PTPRD: variants seen among roughly 807,000 people sequenced by gnomAD.
PTPRD encodes the protein receptor-type tyrosine-protein phosphatase delta.
Under a neutral mutation model 214.5 loss-of-function variants are expected in PTPRD, and 34 were observed. That is an observed-to-expected ratio of 0.16 (90% CI 0.12 to 0.21). The LOEUF (loss-of-function observed/expected upper bound fraction) is 0.21. PTPRD is among the 10% of genes least tolerant of loss of function. The probability of loss-of-function intolerance (pLI) is 1.00; values close to 1 mark genes in which losing one functional copy is unlikely to be tolerated. For missense variants in PTPRD, 2,545 were observed against 2,398.7 expected (o/e 1.06, Z -1.27); for synonymous variants, 1,128 against 845.7 (o/e 1.33, Z -5.79).
chr9:8,409,695 T>C (rs1449301005), intron 35 of PTPRD, among the ~76,000 whole-genome samples: 3 of 152,176 alleles, frequency 2.0e-5, no homozygotes, highest in Non-Finnish European at 4.4e-5. Context: ...ACAATACTAG[T>C]TGCTCTGTGT....
chr9:8,850,346 A>G (rs1169794565), intron 11 of PTPRD, among the ~76,000 whole-genome samples: 1 of 152,222 alleles, frequency 6.6e-6, no homozygotes, highest in African/African-American at 2.4e-5. Flanking sequence ...GGGGATATAG[A>G]TAAAATGAAA....
At chr9:8,958,067 A>G (rs1044355116) in intron 11 of PTPRD, among the ~76,000 whole-genome samples, 1 of 151,910 alleles carries the variant, frequency 6.6e-6, no homozygotes, top group East Asian at 1.9e-4. Context: ...CTGTAAATGA[A>G]ACTTCAATAA....
At chr9:10,217,434 C>G (rs2099546773) in intron 3 of PTPRD, among the ~76,000 whole-genome samples, 1 of 151,840 alleles carries the variant, frequency 6.6e-6, no homozygotes, top group Admixed American at 6.6e-5. Flanking sequence ...AAGCTGAGAT[C>G]TTGAAAGAGG....
chr9:9,958,946 G>C (rs1324501771), intron 4 of PTPRD, among the ~76,000 whole-genome samples: 1 of 152,132 alleles, frequency 6.6e-6, no homozygotes, highest in Non-Finnish European at 1.5e-5. Flanking sequence ...GGTTTGGTGG[G>C]CTTTTAAAAC....
chr9:9,100,237 T>C (rs2099789425), intron 10 of PTPRD, among the ~76,000 whole-genome samples: 1 of 152,104 alleles, frequency 6.6e-6, no homozygotes, highest in Non-Finnish European at 1.5e-5. Flanking sequence ...CAGATAAATA[T>C]GCCTACCAGC....
chr9:8,837,962 G>C (rs370392030), intron 11 of PTPRD, among the ~76,000 whole-genome samples: 6 of 152,104 alleles, frequency 3.9e-5, no homozygotes, highest in Non-Finnish European at 7.4e-5. Context: ...ACATGAGTAA[G>C]CCCCATGTTT....
At chr9:10,548,413 T>C (rs1274215586) in intron 2 of PTPRD, among the ~76,000 whole-genome samples, 2 of 152,274 alleles carry the variant, frequency 1.3e-5, no homozygotes, top group African/African-American at 4.8e-5. Flanking sequence ...GGCCTACTGA[T>C]ATATTTTCAT....
In PTPRD at chr9:10,286,165, A is replaced by G. The variant is rs144421679; in HGVS notation, c.-545+54798T>C. On this transcript the variant is annotated intron_variant, in intron 3 of 45. Transcript: ENST00000381196. ...TTGTCCTTTTGTATGCATGTACCAAATAAGGAAATCAGTAACTAGCTATTA... is the reference window on the plus strand; with the variant it reads ...TTGTCCTTTTGTATGCATGTACCAAGTAAGGAAATCAGTAACTAGCTATTA... Among the ~76,000 whole-genome samples the G allele has an allele frequency of 1.6e-3, 239 of 152,336 alleles. 1 individual carries two copies. The highest frequency in any genetic ancestry group is 5.7e-3 in the African/African-American group (235 of 41,570).
intron 14 of PTPRD, among the ~76,000 whole-genome samples, chr9:8,613,856 C>T (rs766152894): frequency 1.3e-5 from 2 of 152,142 alleles, no homozygotes; most frequent in Non-Finnish European, 2.9e-5. Flanking sequence ...ATTCTCAGCC[C>T]AACTGTCTTT....
chr9:8,721,598 T>C (rs2098499517), intron 12 of PTPRD, among the ~76,000 whole-genome samples: 1 of 152,182 alleles, frequency 6.6e-6, no homozygotes, highest in Admixed American at 6.5e-5. Flanking sequence ...TAATGGCTAA[T>C]GTTTATTTAG....
intron 9 of PTPRD, among the ~76,000 whole-genome samples, chr9:9,394,504 C>T (rs10977723): frequency 0.26 from 39,885 of 151,960 alleles, 5,369 homozygotes; most frequent in Middle Eastern, 0.29. Flanking sequence ...CTAACACTTA[C>T]CAGTTACGTA....
chr9:10,386,183 G>A (rs182227404), intron 2 of PTPRD, among the ~76,000 whole-genome samples: 2 of 151,934 alleles, frequency 1.3e-5, no homozygotes, highest in East Asian at 3.9e-4. Flanking sequence ...AAGGTTTAGA[G>A]CGAGTTTATA....
chr9:10,474,886 T>G (rs1413995822), intron 2 of PTPRD, among the ~76,000 whole-genome samples: 1 of 152,090 alleles, frequency 6.6e-6, no homozygotes, highest in Non-Finnish European at 1.5e-5. Context: ...GAATGACTAC[T>G]CGGTAAATAA....
At chr9:9,195,702 A>G (rs1012324122) in intron 9 of PTPRD, among the ~76,000 whole-genome samples, 10 of 140,862 alleles carry the variant, frequency 7.1e-5, no homozygotes, top group African/African-American at 2.7e-4. Flanking sequence ...CTCAGCCATC[A>G]ACATTTTTAA....
chr9:9,186,887 T>C (rs1314014881), intron 9 of PTPRD, among the ~76,000 whole-genome samples: 2 of 151,992 alleles, frequency 1.3e-5, no homozygotes, highest in African/African-American at 4.8e-5. Context: ...TTCTTACACA[T>C]AAAAATATTT....
intron 8 of PTPRD, among the ~76,000 whole-genome samples, chr9:9,403,156 T>C (rs1415673319): frequency 6.7e-6 from 1 of 149,830 alleles, no homozygotes; most frequent in Non-Finnish European, 1.5e-5. Context: ...CTGGGTGTGG[T>C]GGCACAAGGC....
intron 11 of PTPRD, among the ~76,000 whole-genome samples, chr9:8,776,997 T>A (rs1436983457): frequency 6.7e-6 from 1 of 148,744 alleles, no homozygotes; most frequent in Non-Finnish European, 1.5e-5. Flanking sequence ...TTTTTTCTTT[T>A]TTTGATATGG....
chr9:8,811,558 GAACA>G (rs982864893), intron 11 of PTPRD, among the ~76,000 whole-genome samples: 5 of 152,024 alleles, frequency 3.3e-5, no homozygotes, highest in African/African-American at 9.7e-5. Context: ...CTAAGGAACA[GAACA>G]ATCATTCTTA....
chr9:10,289,571 A>G (rs565662459), intron 3 of PTPRD, among the ~76,000 whole-genome samples: 1 of 152,272 alleles, frequency 6.6e-6, no homozygotes, highest in East Asian at 1.9e-4. Flanking sequence ...CCGCCCCGCC[A>G]TTTGTGCTAA....
Sources: allele counts gnomAD v4.1 joint callset (sites outside exome capture counted in the v4.1 genomes callset), GRCh38; gene constraint gnomAD v4.1.1; transcripts MANE v1.5; gene names NCBI Gene and HGNC (gene_info 2026-07-23, HGNC 2026-07-21).